ADCY2: variants seen among roughly 807,000 people sequenced by gnomAD.
ADCY2 encodes adenylate cyclase type 2.
ADCY2 carries 31 observed loss-of-function variants against 125.2 expected under a neutral mutation model. The observed-to-expected ratio is 0.25, with a 90% CI of 0.19 to 0.33. The LOEUF (loss-of-function observed/expected upper bound fraction) is 0.33, where lower values mean the gene tolerates loss of function less well. Ranked by LOEUF, ADCY2 falls within the 10% of genes least tolerant of loss-of-function variation. The pLI, the probability that ADCY2 is intolerant of heterozygous loss-of-function variation, is 1.00. For synonymous variants in ADCY2, 512 were observed against 548.4 expected, an observed-to-expected ratio of 0.93 and a Z score of 0.93; for missense variants, 904 against 1,418.2, an observed-to-expected ratio of 0.64 and a Z score of 5.82.
intron 3 of ADCY2, among the ~76,000 whole-genome samples, chr5:7,580,244 C>A (rs1037258093): frequency 6.6e-6 from 1 of 151,738 alleles, no homozygotes; most frequent in Non-Finnish European, 1.5e-5. Context: ...ACATGTATGC[C>A]CTGAATCTAA....
chr5:7,700,792 C>A (rs1304788123), intron 7 of ADCY2, among the ~76,000 whole-genome samples: 1 of 145,222 alleles, frequency 6.9e-6, no homozygotes. Context: ...CCCGCATGTT[C>A]CATATTCACT....
intron 2 of ADCY2, among the ~76,000 whole-genome samples, chr5:7,477,704 C>T (rs2126467104): frequency 6.6e-6 from 1 of 152,188 alleles, no homozygotes; most frequent in South Asian, 2.1e-4. Flanking sequence ...AGATAAAATA[C>T]CTTTGTGTAA....
rs572052605 is a variant in ADCY2 at position 7,814,422 on chromosome 5, C to T, written c.2884-2444C>T. Among the ~76,000 whole-genome samples the T allele has an allele frequency of 1.5e-4, 23 of 152,164 alleles. No homozygotes were observed. In the East Asian group the frequency reaches 4.5e-3, roughly 30 times the overall value. ...AGAGGTGAAGGATGCCCCTGCCGTC[C>T]AGTAGGCAGAGGCCAGGGATGGTGT... On this transcript the variant is annotated intron_variant, in intron 22 of 24. Transcript: ENST00000338316.
intron 4 of ADCY2, among the ~76,000 whole-genome samples, chr5:7,651,950 A>G (rs1247454977): frequency 6.6e-6 from 1 of 152,024 alleles, no homozygotes; most frequent in East Asian, 1.9e-4. Flanking sequence ...CTACAGGTGC[A>G]CACTACCATG....
intron 3 of ADCY2, among the ~76,000 whole-genome samples, chr5:7,579,749 T>A (rs1161171237): frequency 6.6e-6 from 1 of 152,128 alleles, no homozygotes; most frequent in Non-Finnish European, 1.5e-5. Context: ...AAAATGACCA[T>A]GTTAAAAAAG....
At chr5:7,597,359 C>T (rs561894482) in intron 3 of ADCY2, among the ~76,000 whole-genome samples, 5 of 152,286 alleles carry the variant, frequency 3.3e-5, no homozygotes, top group Admixed American at 2.0e-4. Flanking sequence ...TCCAGAGGCC[C>T]CCTCTCCAGG....
intron 4 of ADCY2, among the ~76,000 whole-genome samples, chr5:7,663,759 A>G (rs1579291671): frequency 6.6e-6 from 1 of 152,104 alleles, no homozygotes; most frequent in African/African-American, 2.4e-5. Context: ...TGGGGTCGGG[A>G]TTCTAGCAAG....
chr5:7,582,599 GT>G (rs1400832241), intron 3 of ADCY2, among the ~76,000 whole-genome samples: 4 of 152,084 alleles, frequency 2.6e-5, no homozygotes, highest in Non-Finnish European at 5.9e-5. Context: ...CCTAAGAATA[GT>G]TTAACACATT....
At position 7,829,116 on chromosome 5, in the gene ADCY2, C is replaced by G. The variant is rs1745569117; in HGVS notation, c.*2245C>G. ...TACCTGGTCCCTTCTAGGTGTGGTC[C>G]CATAGGAGCAGCCTTAGCATCCCCT... On this transcript the variant is annotated 3_prime_UTR_variant, in exon 25 of 25. Coordinates refer to ENST00000338316, the MANE Select transcript of ADCY2 (RefSeq NM_020546.3). The G allele has an allele frequency of 6.6e-6, 1 of 152,232 alleles. No homozygotes were observed. Among genetic ancestry groups the G allele is most frequent in the Non-Finnish European group, 1.5e-5 (1 of 68,036 alleles). 9.4% of individuals were successfully genotyped at this position (152,232 alleles called of 1,614,324 possible). A position where few individuals can be genotyped will look rare whatever the true frequency, so the allele number is the denominator to read the frequency against.
intron 4 of ADCY2, among the ~76,000 whole-genome samples, chr5:7,656,295 C>T (rs966459295): frequency 6.6e-6 from 1 of 152,160 alleles, no homozygotes; most frequent in African/African-American, 2.4e-5. Context: ...CTCAGGTGAT[C>T]TGTCTGCCTC....
intron 2 of ADCY2, among the ~76,000 whole-genome samples, chr5:7,457,562 A>G (rs937967638): frequency 6.6e-6 from 1 of 152,180 alleles, no homozygotes. Context: ...GCCCAGCATC[A>G]AGCGGTGGTG....
intron 19 of ADCY2, among the ~76,000 whole-genome samples, chr5:7,786,171 A>G (rs148968202): frequency 7.6e-4 from 116 of 152,336 alleles, no homozygotes; most frequent in African/African-American, 2.7e-3. Context: ...CCGAATCTAT[A>G]TAAGACACCG....
intron 19 of ADCY2, among the ~76,000 whole-genome samples, chr5:7,786,564 G>A (rs1385441687): frequency 6.6e-6 from 1 of 152,308 alleles, no homozygotes; most frequent in South Asian, 2.1e-4. Flanking sequence ...TATCTAAGTA[G>A]CCTTGATGAA....
chr5:7,551,099 T>A (rs1370364142), intron 3 of ADCY2, among the ~76,000 whole-genome samples: 1 of 128,852 alleles, frequency 7.8e-6, no homozygotes, highest in Non-Finnish European at 1.6e-5. Context: ...AAATTGAAAA[T>A]CTTCTGCAAA....
At chr5:7,453,305 T>C (rs1425495539) in intron 2 of ADCY2, among the ~76,000 whole-genome samples, 1 of 152,226 alleles carries the variant, frequency 6.6e-6, no homozygotes, top group African/African-American at 2.4e-5. Flanking sequence ...TTTAGTTTTA[T>C]TCTTCCACAT....
chr5:7,818,313 T>A (rs1745182118), intron 23 of ADCY2, among the ~76,000 whole-genome samples: 1 of 152,130 alleles, frequency 6.6e-6, no homozygotes, highest in Non-Finnish European at 1.5e-5. Context: ...ACTTGTACTA[T>A]TAGTTGTCAG....
intron 3 of ADCY2, among the ~76,000 whole-genome samples, chr5:7,620,291 G>A (rs1243874848): frequency 6.6e-6 from 1 of 152,140 alleles, no homozygotes; most frequent in Non-Finnish European, 1.5e-5. Context: ...AACTTCCATG[G>A]GAAATCAAAT....
intron 3 of ADCY2, among the ~76,000 whole-genome samples, chr5:7,580,223 C>T (rs1253518690): frequency 6.6e-6 from 1 of 152,138 alleles, no homozygotes; most frequent in East Asian, 1.9e-4. Flanking sequence ...TGTAAAAAAA[C>T]AAAAACCTTT....
chr5:7,699,951 G>A (rs6555487), intron 7 of ADCY2, among the ~76,000 whole-genome samples: 2,903 of 152,226 alleles, frequency 0.019, 99 homozygotes, highest in African/African-American at 0.067. Context: ...AGGAAGGCAC[G>A]GTTTTGTTTG....
Sources: allele counts gnomAD v4.1 joint callset (sites outside exome capture counted in the v4.1 genomes callset), GRCh38; gene constraint gnomAD v4.1.1; transcripts MANE v1.5; gene names NCBI Gene and HGNC (gene_info 2026-07-23, HGNC 2026-07-21).